Variants in CUL3 observed in about 807,000 individuals in gnomAD.
CUL3 encodes cullin 3, also known as cullin-3.
A neutral mutation model predicts 89.1 loss-of-function variants in CUL3; 19 were observed. The observed-to-expected ratio is 0.21, with a 90% CI of 0.15 to 0.31. CUL3 has a LOEUF of 0.31. Ranked by LOEUF, CUL3 falls within the 10% of genes least tolerant of loss-of-function variation. CUL3 has a pLI of 1.00. For missense variants in CUL3, 469 were observed against 942.3 expected (o/e 0.50, Z 6.58); for synonymous variants, 351 against 308.4 (o/e 1.14, Z -1.45).
intron 10 of CUL3, among the ~76,000 whole-genome samples, chr2:224,502,137 C>T (rs1692416383): frequency 6.6e-6 from 1 of 152,130 alleles, no homozygotes; most frequent in South Asian, 2.1e-4. Flanking sequence ...GGTTATTCTA[C>T]AGAATTACGT....
At chr2:224,482,193 T>G in intron 13 of CUL3, 115 bp from the exon 14 acceptor site, 3 of 710,740 alleles carry the variant, frequency 4.2e-6, no homozygotes, top group Non-Finnish European at 4.5e-6. Flanking sequence ...AAATAAATAA[T>G]GCACAAAAAA....
chr2:224,477,580 T>C (rs984851282), intron 15 of CUL3, among the ~76,000 whole-genome samples: 6 of 152,354 alleles, frequency 3.9e-5, no homozygotes, highest in South Asian at 4.1e-4. Flanking sequence ...AAAACAATAT[T>C]AAGTGACATC....
intron 1 of CUL3, among the ~76,000 whole-genome samples, chr2:224,564,276 C>CT (rs1403829855): frequency 6.6e-6 from 1 of 152,212 alleles, no homozygotes; most frequent in African/African-American, 2.4e-5. Flanking sequence ...GAGCAAGACT[C>CT]TGTCTCAGAA....
rs114269141 is a variant in CUL3 at position 224,548,063 on chromosome 2, T to C, written c.264+9596A>G. 3.1e-3 allele frequency among the ~76,000 whole-genome samples: 469 copies of C among 152,358 alleles called. 2 individuals are homozygous for C. Among genetic ancestry groups the C allele is most frequent in the African/African-American group, 0.01 (428 of 41,586 alleles). ...AAAAGATAAATGGTGAGGAATTATTTGTTCTACAAAAAGACATTGCAGTTT... is the reference window on the plus strand; with the variant it reads ...AAAAGATAAATGGTGAGGAATTATTCGTTCTACAAAAAGACATTGCAGTTT... On this transcript the variant is annotated intron_variant, in intron 2 of 15. Transcript: ENST00000264414.
At chr2:224,552,045 T>A (rs1446286773) in intron 2 of CUL3, among the ~76,000 whole-genome samples, 2 of 152,242 alleles carry the variant, frequency 1.3e-5, no homozygotes, top group Non-Finnish European at 2.9e-5. Flanking sequence ...AGGAATCAGA[T>A]GTATTCTATT....
rs577220194 is a variant in CUL3 at position 224,479,450 on chromosome 2, G to A, written c.2030-1105C>T. The A allele has an allele frequency of 2.0e-5, 3 of 151,950 alleles. No homozygotes were observed. The East Asian group carries it at 5.8e-4, about 29-fold the overall frequency. The allele number at this position is 151,950 out of a possible 1,614,324, so 9.4% of individuals were successfully genotyped here. On this transcript the variant is annotated intron_variant, in intron 14 of 15. Transcript: ENST00000264414. ...GATGTCATGAAAAAATAAAAAGATA[G>A]AGGTACTGGTTTAAATGAAACTAAA...
chr2:224,501,159 ATCCT>A (rs1227158322), intron 10 of CUL3, among the ~76,000 whole-genome samples: 6 of 152,126 alleles, frequency 3.9e-5, no homozygotes, highest in Non-Finnish European at 8.8e-5. Context: ...CTAGCATAAT[ATCCT>A]TCGTCTCAGT....
intron 2 of CUL3, among the ~76,000 whole-genome samples, chr2:224,536,239 T>A (rs1370526065): frequency 2.0e-5 from 3 of 152,206 alleles, no homozygotes. Flanking sequence ...AACTACTCAG[T>A]ACACTTCAGC....
At chr2:224,499,808 A>T (rs1692305518) in intron 11 of CUL3, 1 of 211,142 alleles carries the variant, frequency 4.7e-6, no homozygotes, top group Non-Finnish European at 1.0e-5. Context: ...TAGTGTTCAC[A>T]CGAGTGGTCT....
Position 224,510,602 on chromosome 2 carries a change from G to A in CUL3, c.883+752C>T, listed in dbSNP as rs540478309. Among the ~76,000 whole-genome samples the A allele has an allele frequency of 1.3e-3, 198 of 152,166 alleles. 1 individual carries two copies. The highest frequency in any genetic ancestry group is 4.7e-3 in the African/African-American group (194 of 41,554). ...AGGAAGCAGGAGAACAAAGTACCAT[G>A]TTTTTTATTTCCTAATACCATATAA... On this transcript the variant is annotated intron_variant, in intron 6 of 15. Coordinates refer to ENST00000264414, the MANE Select transcript of CUL3 (RefSeq NM_003590.5).
intron 1 of CUL3, among the ~76,000 whole-genome samples, chr2:224,567,742 A>AT (rs1257438877): frequency 1.1e-4 from 17 of 151,678 alleles, no homozygotes; most frequent in South Asian, 2.1e-4. Flanking sequence ...TCTGTCTCAA[A>AT]AAAAAAAAAA....
intron 2 of CUL3, among the ~76,000 whole-genome samples, chr2:224,548,805 C>T (rs931637558): frequency 6.6e-6 from 1 of 151,068 alleles, no homozygotes; most frequent in Non-Finnish European, 1.5e-5. Context: ...CGAGACCAGC[C>T]TGGGCAACAT....
chr2:224,500,630 T>TTC (rs1692349361), intron 10 of CUL3, 143 bp from the exon 11 acceptor site: 11 of 504,646 alleles, frequency 2.2e-5, no homozygotes, highest in East Asian at 2.0e-4. Context: ...TTCTTTTCTT[T>TTC]TTTTTTTTTT....
chr2:224,487,917 C>T (rs1691799585), intron 13 of CUL3, among the ~76,000 whole-genome samples: 1 of 152,168 alleles, frequency 6.6e-6, no homozygotes. Context: ...ACAGTGGAAT[C>T]AAATTAGAAC....
chr2:224,536,212 G>A (rs1259572922), intron 2 of CUL3, among the ~76,000 whole-genome samples: 2 of 152,112 alleles, frequency 1.3e-5, no homozygotes, highest in Admixed American at 6.5e-5. Context: ...TTAGTACTCC[G>A]TAAACACTCT....
intron 6 of CUL3, among the ~76,000 whole-genome samples, chr2:224,508,832 G>T (rs1398110085): frequency 6.6e-6 from 1 of 151,780 alleles, no homozygotes; most frequent in Non-Finnish European, 1.5e-5. Context: ...CGTGGTGGCG[G>T]GAGCCTGCAG....
In CUL3 at chr2:224,585,042, G is replaced by C; in HGVS notation, c.-33C>G. The C allele has an allele frequency of 6.8e-7, 1 of 1,468,750 alleles. No individual in the cohort carries two copies. Among genetic ancestry groups the C allele is most frequent in the Non-Finnish European group, 9.1e-7 (1 of 1,094,178 alleles). The allele number at this position is 1,468,750 out of a possible 1,614,324, so 91.0% of individuals were successfully genotyped here. A position where few individuals can be genotyped will look rare whatever the true frequency, so the allele number is the denominator to read the frequency against. On this transcript the variant is annotated 5_prime_UTR_variant, in exon 1 of 16. Coordinates refer to ENST00000264414, the MANE Select transcript of CUL3 (RefSeq NM_003590.5). ...GTCCCCTCCCCGGCGGCGGCTTCAG[G>C]TCGCGCTCCGCGACGCCGGTGTCAC... is the stretch of plus-strand genomic sequence containing the variant.
intron 1 of CUL3, among the ~76,000 whole-genome samples, chr2:224,584,503 C>T (rs1198443758): frequency 5.9e-5 from 9 of 152,074 alleles, no homozygotes; most frequent in African/African-American, 1.4e-4. Context: ...CCCTTCATCA[C>T]CCTAAAAGCT....
intron 6 of CUL3, among the ~76,000 whole-genome samples, chr2:224,511,078 G>A: frequency 6.6e-6 from 1 of 152,106 alleles, no homozygotes; most frequent in East Asian, 1.9e-4. Flanking sequence ...AGCTCACTGG[G>A]CTCACCAATA....
Sources: allele counts gnomAD v4.1 joint callset (sites outside exome capture counted in the v4.1 genomes callset), GRCh38; gene constraint gnomAD v4.1.1; transcripts MANE v1.5; gene names NCBI Gene and HGNC (gene_info 2026-07-23, HGNC 2026-07-21).